Variants in TSHR observed in about 807,000 individuals in gnomAD.
The protein encoded by TSHR is thyrotropin receptor.
TSHR carries 51 observed loss-of-function variants against 64.1 expected under a neutral mutation model. The ratio of observed to expected loss-of-function variants is 0.80; its 90% CI spans 0.64 to 1.01. TSHR has a LOEUF of 1.01. TSHR is among the 50% of genes least tolerant of loss of function. The probability of loss-of-function intolerance (pLI) is 0.00; values close to 1 mark genes in which losing one functional copy is unlikely to be tolerated. For synonymous variants in TSHR, 361 were observed against 361.9 expected, an observed-to-expected ratio of 1.00 and a Z score of 0.03; for missense variants, 877 against 942.8, an observed-to-expected ratio of 0.93 and a Z score of 0.91.
chr14:81,104,897 A>C, intron 7 of TSHR: 1 of 985,448 alleles, frequency 1.0e-6, no homozygotes, highest in South Asian at 4.7e-5. Context: ...TGTTGAACAC[A>C]TAGAGATGTA....
Position 81,145,703 on chromosome 14 carries a change from C to T in TSHR, c.*1350C>T. The T allele has an allele frequency of 4.3e-6, 1 of 233,060 alleles. No individual in the cohort carries two copies. Among genetic ancestry groups the T allele is most frequent in the African/African-American group, 2.2e-5 (1 of 45,438 alleles). The allele number at this position is 233,060 out of a possible 1,614,324, so 14.4% of individuals were successfully genotyped here. A position where few individuals can be genotyped will look rare whatever the true frequency, so the allele number is the denominator to read the frequency against. On this transcript the variant is annotated 3_prime_UTR_variant, in exon 10 of 10. Transcript: ENST00000298171. ...AGAGGTTTCTTCTTTTCTGAAACTG[C>T]CAGCTCTTTCCAGCCCTGTTGATCA...
chr14:81,085,969 C>T (rs1888256427), intron 3 of TSHR, among the ~76,000 whole-genome samples: 1 of 152,018 alleles, frequency 6.6e-6, no homozygotes, highest in Non-Finnish European at 1.5e-5. Flanking sequence ...AGAGGGAATT[C>T]CAAGGATATG....
chr14:80,971,287 G>A lies in TSHR; in HGVS notation c.170+15437G>A, dbSNP rs571957563. ...ACCAACTCTAATTAGCATATCATCA[G>A]GTAGCAGACCAGTATGATGATGTGC... On this transcript the variant is annotated intron_variant, in intron 1 of 9. Transcript: ENST00000298171. Among the ~76,000 whole-genome samples, 3 of 152,262 alleles carry A rather than the reference G, an allele frequency of 2.0e-5. No individual in the cohort carries two copies. The East Asian group carries it at 5.8e-4, about 29-fold the overall frequency.
intron 3 of TSHR, among the ~76,000 whole-genome samples, chr14:81,079,456 T>C (rs1446089141): frequency 6.6e-6 from 1 of 152,222 alleles, no homozygotes; most frequent in South Asian, 2.1e-4. Context: ...AAAGTTTTCT[T>C]AGCTAAGACA....
intron 1 of TSHR, among the ~76,000 whole-genome samples, chr14:80,988,870 C>T (rs1466820874): frequency 1.3e-5 from 2 of 152,184 alleles, no homozygotes; most frequent in African/African-American, 4.8e-5. Flanking sequence ...CCCCAAACTA[C>T]TCCCCTTGAT....
At chr14:81,030,502 T>C (rs920998453) in intron 1 of TSHR, among the ~76,000 whole-genome samples, 1 of 152,192 alleles carries the variant, frequency 6.6e-6, no homozygotes, top group Non-Finnish European at 1.5e-5. Context: ...GTATTAATCT[T>C]TTTTTCTCTC....
chr14:80,980,450 G>T (rs975741291), intron 1 of TSHR, among the ~76,000 whole-genome samples: 4 of 152,098 alleles, frequency 2.6e-5, no homozygotes, highest in African/African-American at 7.2e-5. Flanking sequence ...CCCACGCAGG[G>T]ATTAAGATAG....
At chr14:81,029,887 A>G (rs540892035) in intron 1 of TSHR, among the ~76,000 whole-genome samples, 2 of 152,214 alleles carry the variant, frequency 1.3e-5, no homozygotes, top group Non-Finnish European at 2.9e-5. Flanking sequence ...ATAATTCACT[A>G]GAACTGCCTC....
intron 8 of TSHR, among the ~76,000 whole-genome samples, chr14:81,132,247 C>T (rs183625494): frequency 6.6e-6 from 1 of 152,316 alleles, no homozygotes; most frequent in Non-Finnish European, 1.5e-5. Context: ...ACTTTCATGA[C>T]AAGCAAACAG....
chr14:81,124,174 T>C (rs959855863), intron 8 of TSHR, among the ~76,000 whole-genome samples: 34 of 152,236 alleles, frequency 2.2e-4, no homozygotes, highest in African/African-American at 8.2e-4. Context: ...CTGATCAAAT[T>C]AATACAAGGG....
chr14:81,019,557 C>G (rs541503685), intron 1 of TSHR, among the ~76,000 whole-genome samples: 10 of 150,990 alleles, frequency 6.6e-5, no homozygotes, highest in African/African-American at 2.4e-4. Context: ...TTTGCTGCAC[C>G]CATCAACCCG....
Position 81,143,399 on chromosome 14 carries a change from C to A in TSHR, c.1341C>A (p.Asn447Lys), listed in dbSNP as rs777698828. The change falls in exon 10 of 10, where the codon AAC (asparagine) becomes AAA (lysine). Residue 447 changes from asparagine to lysine, a missense_variant. Asn to Lys is a moderately conservative substitution (Grantham distance 94). Coordinates refer to ENST00000298171, the MANE Select transcript of TSHR (RefSeq NM_000369.5). ...LILLTSHYKL[N>K]VPRFLMCNLA... ...TCCTCACCAGCCACTACAAACTGAACGTCCCCCGCTTTCTCATGTGCAACC... is the reference window on the plus strand; with the variant it reads ...TCCTCACCAGCCACTACAAACTGAAAGTCCCCCGCTTTCTCATGTGCAACC... The A allele has an allele frequency of 6.2e-7, 1 of 1,614,088 alleles. No individual in the cohort carries two copies. Among genetic ancestry groups the A allele is most frequent in the Non-Finnish European group, 8.5e-7 (1 of 1,180,050 alleles).
At chr14:81,104,038 GA>G (rs1889742440) in intron 7 of TSHR, 1 of 985,424 alleles carries the variant, frequency 1.0e-6, no homozygotes. Flanking sequence ...CAATGATAGA[GA>G]ATATTATAGG....
chr14:81,126,041 C>T (rs1183886032), intron 8 of TSHR, among the ~76,000 whole-genome samples: 1 of 152,010 alleles, frequency 6.6e-6, no homozygotes. Flanking sequence ...AGAAGAGTCA[C>T]ATTGACAACT....
At chr14:80,997,754 T>C (rs796670195) in intron 1 of TSHR, among the ~76,000 whole-genome samples, 1 of 152,344 alleles carries the variant, frequency 6.6e-6, no homozygotes, top group South Asian at 2.1e-4. Context: ...AAGATTATCC[T>C]GGGTGTTGAA....
chr14:81,055,946 G>A (rs538834612), intron 1 of TSHR, among the ~76,000 whole-genome samples: 2 of 152,230 alleles, frequency 1.3e-5, no homozygotes, highest in East Asian at 3.9e-4. Flanking sequence ...GAAACATAAG[G>A]ACATGAGATT....
Position 81,062,068 on chromosome 14 carries a change from T to A in TSHR, c.171-80T>A, listed in dbSNP as rs17111401. 0.21 allele frequency: 253,200 copies of A among 1,226,044 alleles called. 35,112 individuals carry two copies. Among genetic ancestry groups the A allele is most frequent in the African/African-American group, 0.69 (45,498 of 66,334 alleles). 75.9% of individuals were successfully genotyped at this position (1,226,044 alleles called of 1,614,324 possible). ...TGTGAAAACTGTCATGCTTTTTAATTATGTGTTTTTATAATTAAGGTGAAT... is the reference window on the plus strand; with the variant it reads ...TGTGAAAACTGTCATGCTTTTTAATAATGTGTTTTTATAATTAAGGTGAAT... On this transcript the variant is annotated intron_variant, in intron 1 of 9. Transcript: ENST00000298171.
At chr14:81,132,952 G>A (rs1366556661) in intron 8 of TSHR, among the ~76,000 whole-genome samples, 2 of 152,094 alleles carry the variant, frequency 1.3e-5, no homozygotes, top group African/African-American at 4.8e-5. Context: ...ATAAAACTTT[G>A]GGTGAGTGGG....
intron 8 of TSHR, among the ~76,000 whole-genome samples, chr14:81,110,790 A>G (rs12881644): frequency 6.6e-6 from 1 of 151,938 alleles, no homozygotes; most frequent in Admixed American, 6.6e-5. Context: ...TTGGTGAAAC[A>G]CCCATCTTTG....
Sources: allele counts gnomAD v4.1 joint callset (sites outside exome capture counted in the v4.1 genomes callset), GRCh38; gene constraint gnomAD v4.1.1; transcripts MANE v1.5; gene names NCBI Gene and HGNC (gene_info 2026-07-23, HGNC 2026-07-21).